MPP7: variants seen among roughly 807,000 people sequenced by gnomAD.
MPP7 encodes MAGUK p55 scaffold protein 7, also known as MAGUK p55 subfamily member 7.
A neutral mutation model predicts 76.5 loss-of-function variants in MPP7; 60 were observed. The ratio of observed to expected loss-of-function variants is 0.78; its 90% CI spans 0.64 to 0.97. The LOEUF is 0.97. Ranked by LOEUF, MPP7 falls within the 50% of genes least tolerant of loss-of-function variation. The pLI is 0.00. For synonymous variants in MPP7, 237 were observed against 244.5 expected (o/e 0.97, Z 0.29); for missense variants, 641 against 694.0 (o/e 0.92, Z 0.86).
chr10:28,243,959 A>G (rs932440955), intron 1 of MPP7, among the ~76,000 whole-genome samples: 4 of 152,346 alleles, frequency 2.6e-5, no homozygotes, highest in African/African-American at 7.2e-5. Flanking sequence ...AGAGCCTTCA[A>G]TAATTTTTAA....
chr10:28,159,298 A>C (rs1018915214), intron 3 of MPP7, among the ~76,000 whole-genome samples: 1 of 152,204 alleles, frequency 6.6e-6, no homozygotes, highest in African/African-American at 2.4e-5. Flanking sequence ...TTAGTTTCTT[A>C]AAATTCACTG....
rs1840478698 is a variant in MPP7 at position 28,275,868 on chromosome 10, A to G, written c.-132+26993T>C. Reference sequence around the variant, plus strand: ...AACTCACTGGTTACACAGCAATTTTAAAGAGCAATCTTTAAGTTAAAAAAT... The same window carrying G: ...AACTCACTGGTTACACAGCAATTTTGAAGAGCAATCTTTAAGTTAAAAAAT... On this transcript the variant is annotated intron_variant, in intron 1 of 16. Transcript: ENST00000683449. Among the ~76,000 whole-genome samples, 13 of 151,998 alleles carry G rather than the reference A, an allele frequency of 8.6e-5. 1 individual carries two copies. Among genetic ancestry groups the G allele is most frequent in the Admixed American group, 8.5e-4 (13 of 15,260 alleles).
intron 3 of MPP7, among the ~76,000 whole-genome samples, chr10:28,180,768 C>T (rs1837033244): frequency 6.6e-6 from 1 of 152,158 alleles, no homozygotes; most frequent in Non-Finnish European, 1.5e-5. Context: ...ACTCCCACCA[C>T]CTGGAACATC....
chr10:28,073,370 C>T (rs1438422654), intron 12 of MPP7, among the ~76,000 whole-genome samples: 1 of 152,180 alleles, frequency 6.6e-6, no homozygotes, highest in African/African-American at 2.4e-5. Context: ...TCTAGCATCA[C>T]CTGGCAGCCA....
chr10:28,158,284 A>T (rs1564665362), intron 3 of MPP7, among the ~76,000 whole-genome samples: 1 of 152,198 alleles, frequency 6.6e-6, no homozygotes, highest in Non-Finnish European at 1.5e-5. Context: ...GGTGAAATGT[A>T]ACCATCAACT....
In MPP7 at chr10:28,056,493, G is replaced by A. The variant is rs1168731274; in HGVS notation, c.1538C>T (p.Ala513Val). The A allele has an allele frequency of 1.2e-6, 2 of 1,612,666 alleles. No homozygotes were observed. Among genetic ancestry groups the A allele is most frequent in the South Asian group, 1.1e-5 (1 of 90,784 alleles). Residue 513 changes from alanine (A) to valine (V), a missense_variant, in exon 16 of 17, where the codon GCA becomes GTA. Transcript: ENST00000683449. ...IISSRDDQGA[A>V]KPFTEEDFQE... ...CATTATACTTACTGTGAAGGGTTTT[G>A]CAGCACCTTGGTCATCTCTGCTTGA...
intron 2 of MPP7, 24 bp downstream of exon 2, chr10:28,238,544 A>G: frequency 6.2e-7 from 1 of 1,612,818 alleles, no homozygotes. Context: ...TGGAATGAGA[A>G]CTGCCCCTCT....
intron 1 of MPP7, among the ~76,000 whole-genome samples, chr10:28,256,368 T>A (rs1839786330): frequency 6.7e-6 from 1 of 149,440 alleles, no homozygotes; most frequent in African/African-American, 2.5e-5. Flanking sequence ...AATATTAATA[T>A]GAATTCCAAT....
At position 28,143,855 on chromosome 10, in the gene MPP7, C is replaced by CTG. The variant is rs60960005; in HGVS notation, c.315+3626_315+3627dup. The stretch of plus-strand genomic sequence containing the variant: ...CTTTCATTAGGACCTCAATCGTGTG[C>CTG]TGTGTGTGTGTGTGTGTGTGTGTGT... On this transcript the variant is annotated intron_variant, in intron 5 of 16. Transcript: ENST00000683449. Among the ~76,000 whole-genome samples, 914 of 134,528 alleles carry CTG rather than the reference C, an allele frequency of 6.8e-3. 15 individuals carry two copies. The highest frequency in any genetic ancestry group is 0.011 in the African/African-American group (400 of 36,402). 88.3% of individuals were successfully genotyped at this position (134,528 alleles called of 152,430 possible). A position where few individuals can be genotyped will look rare whatever the true frequency, so the allele number is the denominator to read the frequency against.
At chr10:28,114,444 G>A (rs1588791527) in intron 11 of MPP7, among the ~76,000 whole-genome samples, 1 of 151,242 alleles carries the variant, frequency 6.6e-6, no homozygotes, top group East Asian at 2.0e-4. Context: ...TTTTTAAAGA[G>A]AAAGATAAAT....
intron 1 of MPP7, among the ~76,000 whole-genome samples, chr10:28,274,866 T>C (rs1840442819): frequency 1.3e-5 from 2 of 152,230 alleles, no homozygotes; most frequent in African/African-American, 4.8e-5. Flanking sequence ...TCTCATTATA[T>C]GACTTTCTAG....
At chr10:28,190,916 T>C (rs1837392164) in intron 3 of MPP7, among the ~76,000 whole-genome samples, 1 of 151,832 alleles carries the variant, frequency 6.6e-6, no homozygotes, top group Admixed American at 6.6e-5. Flanking sequence ...AGAGATAAGA[T>C]ACAAATTACG....
At chr10:28,149,188 CT>C (rs1173101243) in intron 4 of MPP7, among the ~76,000 whole-genome samples, 3 of 152,124 alleles carry the variant, frequency 2.0e-5, no homozygotes, top group Admixed American at 2.0e-4. Context: ...TTTTACCACA[CT>C]GAATTATATA....
At chr10:28,135,883 C>T (rs1280963031) in intron 5 of MPP7, among the ~76,000 whole-genome samples, 1 of 152,116 alleles carries the variant, frequency 6.6e-6, no homozygotes, top group African/African-American at 2.4e-5. Flanking sequence ...GGCCACAGAC[C>T]AGTACCCGCT....
At chr10:28,147,359 T>C in intron 5 of MPP7, 124 bp downstream of exon 5, 1 of 720,750 alleles carries the variant, frequency 1.4e-6, no homozygotes, top group Non-Finnish European at 2.4e-6. Flanking sequence ...TTTAGGCTAT[T>C]AAAATACTGT....
intron 1 of MPP7, among the ~76,000 whole-genome samples, chr10:28,332,243 A>ATGTGTGTGTGTGTGTGTGTGTGTGTG (rs775712498): frequency 1.2e-4 from 12 of 101,992 alleles, no homozygotes; most frequent in Admixed American, 8.1e-4. Context: ...TGTCAAATGT[A>ATGTGTGTGTGTGTGTGTGTGTGTGTG]TGCGTGTGTG....
intron 11 of MPP7, among the ~76,000 whole-genome samples, chr10:28,093,441 TC>T (rs2133469082): frequency 6.7e-6 from 1 of 149,764 alleles, no homozygotes; most frequent in African/African-American, 2.4e-5. Flanking sequence ...GTTTTTACTT[TC>T]CTTTTTTTTT....
chr10:28,160,936 T>C (rs1046848481), intron 3 of MPP7, among the ~76,000 whole-genome samples: 1 of 152,236 alleles, frequency 6.6e-6, no homozygotes, highest in African/African-American at 2.4e-5. Context: ...GGTTTTAGCA[T>C]TTCATGAAAC....
chr10:28,230,311 A>G (rs1471789116), intron 2 of MPP7, among the ~76,000 whole-genome samples: 1 of 151,932 alleles, frequency 6.6e-6, no homozygotes, highest in Non-Finnish European at 1.5e-5. Context: ...AAAATACTCT[A>G]GTTAAAAGCA....
Sources: allele counts gnomAD v4.1 joint callset (sites outside exome capture counted in the v4.1 genomes callset), GRCh38; gene constraint gnomAD v4.1.1; transcripts MANE v1.5; gene names NCBI Gene and HGNC (gene_info 2026-07-23, HGNC 2026-07-21).